Variants in GABRG3 observed in about 807,000 individuals in gnomAD.
GABRG3 encodes the protein gamma-aminobutyric acid type A receptor subunit gamma3.
A neutral mutation model predicts 48.8 loss-of-function variants in GABRG3; 25 were observed. That is an observed-to-expected ratio of 0.51 (90% CI 0.37 to 0.72). The LOEUF (loss-of-function observed/expected upper bound fraction) is 0.72. Ranked by LOEUF, GABRG3 falls within the 30% of genes least tolerant of loss-of-function variation. The pLI is 0.00. For missense variants in GABRG3, 394 were observed against 577.9 expected, an observed-to-expected ratio of 0.68 and a Z score of 3.26; for synonymous variants, 227 against 217.6, an observed-to-expected ratio of 1.04 and a Z score of -0.38.
intron 2 of GABRG3, among the ~76,000 whole-genome samples, chr15:27,024,269 C>G (rs2140680185): frequency 6.6e-6 from 1 of 152,328 alleles, no homozygotes; most frequent in South Asian, 2.1e-4. Context: ...TGTCTTTTCA[C>G]TCTGTTGTGC....
At chr15:27,471,126 T>A (rs974927324) in intron 5 of GABRG3, among the ~76,000 whole-genome samples, 8 of 151,534 alleles carry the variant, frequency 5.3e-5, no homozygotes, top group Admixed American at 2.6e-4. Context: ...GAGGCCAGAG[T>A]TTTTTAAAGA....
At chr15:27,516,739 T>C (rs1344528041) in intron 6 of GABRG3, among the ~76,000 whole-genome samples, 1 of 152,178 alleles carries the variant, frequency 6.6e-6, no homozygotes, top group East Asian at 1.9e-4. Flanking sequence ...TTACTAACTC[T>C]AAAATAAATG....
At chr15:27,350,522 GA>G in intron 5 of GABRG3, 1 of 225,124 alleles carries the variant, frequency 4.4e-6, no homozygotes, top group Non-Finnish European at 9.1e-6. Context: ...AGGTAGGACA[GA>G]TGGCGAAGGC....
chr15:27,307,905 A>T (rs1164470460), intron 3 of GABRG3, among the ~76,000 whole-genome samples: 4 of 78,812 alleles, frequency 5.1e-5, no homozygotes, highest in African/African-American at 1.5e-4. Context: ...TATATAAAAT[A>T]AACATGTTTA....
At chr15:27,329,025 G>T in intron 5 of GABRG3, 137 bp downstream of exon 5, 1 of 740,988 alleles carries the variant, frequency 1.3e-6, no homozygotes, top group South Asian at 1.7e-5. Flanking sequence ...TTTCAGTATT[G>T]ACCACCTGGG....
intron 5 of GABRG3, among the ~76,000 whole-genome samples, chr15:27,416,363 G>C (rs1175232225): frequency 6.6e-6 from 1 of 152,136 alleles, no homozygotes; most frequent in South Asian, 2.1e-4. Context: ...GTGGGCTGGA[G>C]TTGAGTATTT....
intron 6 of GABRG3, among the ~76,000 whole-genome samples, chr15:27,505,569 C>A (rs74005018): frequency 0.12 from 18,075 of 152,048 alleles, 2,055 homozygotes; most frequent in African/African-American, 0.3. Flanking sequence ...TGTGTTTCCT[C>A]TTTAGTGTGT....
At chr15:26,986,940 T>C (rs545398102) in intron 2 of GABRG3, among the ~76,000 whole-genome samples, 1 of 152,302 alleles carries the variant, frequency 6.6e-6, no homozygotes, top group African/African-American at 2.4e-5. Context: ...CACTGGACCG[T>C]GGGTTTCTGT....
At chr15:27,467,426 C>T (rs189319401) in intron 5 of GABRG3, among the ~76,000 whole-genome samples, 5 of 152,262 alleles carry the variant, frequency 3.3e-5, no homozygotes, top group South Asian at 4.1e-4. Context: ...GTGGGAGTCC[C>T]GTCCACATTC....
At chr15:26,972,718 G>A (rs911582278) in intron 1 of GABRG3, among the ~76,000 whole-genome samples, 1 of 152,184 alleles carries the variant, frequency 6.6e-6, no homozygotes, top group African/African-American at 2.4e-5. Context: ...AAGGAGCTAG[G>A]AAGACACATG....
chr15:27,329,663 A>G (rs1195768196), intron 5 of GABRG3, among the ~76,000 whole-genome samples: 1 of 152,234 alleles, frequency 6.6e-6, no homozygotes, highest in Non-Finnish European at 1.5e-5. Context: ...GAACCATTGT[A>G]AGATGATTTA....
At chr15:27,225,878 G>A (rs528791909) in intron 3 of GABRG3, among the ~76,000 whole-genome samples, 3 of 152,120 alleles carry the variant, frequency 2.0e-5, no homozygotes, top group Non-Finnish European at 2.9e-5. Flanking sequence ...CCACATGGCC[G>A]GAGCTTCCAG....
At chr15:27,401,169 T>C (rs1446716954) in intron 5 of GABRG3, among the ~76,000 whole-genome samples, 1 of 152,208 alleles carries the variant, frequency 6.6e-6, no homozygotes, top group African/African-American at 2.4e-5. Flanking sequence ...CCTTACTACA[T>C]CAAAATTCTA....
chr15:27,511,070 C>T, intron 6 of GABRG3, among the ~76,000 whole-genome samples: 1 of 152,006 alleles, frequency 6.6e-6, no homozygotes, highest in Non-Finnish European at 1.5e-5. Flanking sequence ...AATGCCAGAA[C>T]ACAAGTGAAA....
At position 27,152,580 on chromosome 15, in the gene GABRG3, A is replaced by G. The variant is rs1033174982; in HGVS notation, c.270+125759A>G. On this transcript the variant is annotated intron_variant, in intron 3 of 9. Coordinates refer to ENST00000615808, the MANE Select transcript of GABRG3 (RefSeq NM_033223.5). ...CTGTCTGTCAATTTGTAGAGAATTC[A>G]TATCTGTATTATGCTGAGTTGTTGA... is the stretch of plus-strand genomic sequence containing the variant. Among the ~76,000 whole-genome samples the G allele has an allele frequency of 3.3e-5, 5 of 152,310 alleles. No homozygotes were observed. The East Asian group carries it at 7.7e-4, about 23-fold the overall frequency.
chr15:27,364,049 TG>T (rs1459923459), intron 5 of GABRG3: 2 of 152,178 alleles, frequency 1.3e-5, no homozygotes, highest in Non-Finnish European at 2.9e-5. Flanking sequence ...CAAAAAATGG[TG>T]GGTTTGTGAC....
intron 3 of GABRG3, among the ~76,000 whole-genome samples, chr15:27,160,516 CTG>C (rs773926045): frequency 2.6e-5 from 4 of 151,992 alleles, no homozygotes; most frequent in Non-Finnish European, 5.9e-5. Context: ...TAAGACTTCT[CTG>C]TTTGGTTTTA....
At chr15:27,280,029 T>A (rs899420064) in intron 3 of GABRG3, among the ~76,000 whole-genome samples, 1 of 152,142 alleles carries the variant, frequency 6.6e-6, no homozygotes, top group Admixed American at 6.6e-5. Context: ...AGGTTTGTTA[T>A]TTATATTGCA....
At chr15:27,185,801 T>C (rs1191733787) in intron 3 of GABRG3, among the ~76,000 whole-genome samples, 1 of 152,114 alleles carries the variant, frequency 6.6e-6, no homozygotes, top group Non-Finnish European at 1.5e-5. Context: ...GTGTCACTAG[T>C]AATTTTTTTC....
Sources: gnomAD v4.1 joint callset for allele counts (sites outside exome capture counted in the v4.1 genomes callset) on GRCh38, gnomAD v4.1.1 for gene constraint, MANE v1.5 for transcripts, NCBI Gene and HGNC (gene_info 2026-07-23, HGNC 2026-07-21) for gene names.